BRCC3: variants seen among roughly 807,000 people sequenced by gnomAD.
BRCC3 encodes the protein lys-63-specific deubiquitinase BRCC36.
A neutral mutation model predicts 28.0 loss-of-function variants in BRCC3; 15 were observed. The ratio of observed to expected loss-of-function variants is 0.54; its 90% CI spans 0.36 to 0.82. BRCC3 has a LOEUF of 0.82. Among genes scored for constraint, BRCC3 ranks in the 40% least tolerant of loss-of-function variants. BRCC3 has a pLI of 0.01. For synonymous variants in BRCC3, 66 were observed against 80.3 expected, an observed-to-expected ratio of 0.82 and a Z score of 0.95; for missense variants, 109 against 225.9, an observed-to-expected ratio of 0.48 and a Z score of 3.32.
rs12011271 is a variant in BRCC3, at chrX:155,104,430, A to G, written c.549-11627A>G. 7.1e-3 allele frequency among the ~76,000 whole-genome samples: 796 copies of G among 112,057 alleles called. 5 individuals are homozygous for G. Among genetic ancestry groups the G allele is most frequent in the African/African-American group, 0.025 (762 of 30,827 alleles). ...TTAATATAAGGTTCATTTTTTCCCC[A>G]CTACTGAGGCAAGACCCTTTTTAAT... On this transcript the variant is annotated intron_variant, in intron 7 of 10. Transcript: ENST00000330045.
intron 7 of BRCC3, among the ~76,000 whole-genome samples, chrX:155,100,812 A>G (rs1218634467): frequency 8.9e-6 from 1 of 112,268 alleles, no homozygotes; most frequent in East Asian, 2.8e-4. Context: ...CCCTGGATCA[A>G]AAATATTTGG....
chrX:155,073,148 G>A (rs2074001523), intron 2 of BRCC3, among the ~76,000 whole-genome samples: 1 of 111,494 alleles, frequency 9.0e-6, no homozygotes, highest in Non-Finnish European at 1.9e-5. Flanking sequence ...AGGATTCCAG[G>A]AATTTAGCTT....
chrX:155,086,702 G>GC (rs2074132560), intron 5 of BRCC3, among the ~76,000 whole-genome samples: 1 of 111,631 alleles, frequency 9.0e-6, no homozygotes, highest in Non-Finnish European at 1.9e-5. Context: ...TTCAAAGCAC[G>GC]CAGCCTCGTG....
chrX:155,086,517 A>ATTT (rs1179189636), intron 5 of BRCC3, among the ~76,000 whole-genome samples: 1 of 102,812 alleles, frequency 9.7e-6, no homozygotes, highest in African/African-American at 3.5e-5. Context: ...CGCCTGGCTA[A>ATTT]TTTTTTTTTT....
intron 1 of BRCC3, 56 bp downstream of exon 1, chrX:155,071,706 C>A: frequency 8.6e-7 from 1 of 1,162,482 alleles, no homozygotes. Context: ...AGTGTGTCCC[C>A]GGGGTGGGTG....
intron 7 of BRCC3, among the ~76,000 whole-genome samples, chrX:155,103,008 A>G (rs782286634): frequency 9.0e-6 from 1 of 111,260 alleles, no homozygotes; most frequent in Non-Finnish European, 1.9e-5. Context: ...TGTTTTCTGC[A>G]GGGAAAAATT....
intron 3 of BRCC3, among the ~76,000 whole-genome samples, chrX:155,076,900 T>C (rs1324541787): frequency 1.8e-5 from 2 of 112,122 alleles, no homozygotes; most frequent in African/African-American, 6.5e-5. Flanking sequence ...TTGTACATAG[T>C]TGTAAGTCAA....
rs1368560228 is a variant in BRCC3 at position 155,121,738 on chromosome X, A to G, written c.*534A>G. 1 of 112,272 alleles carries G rather than the reference A, an allele frequency of 8.9e-6. No individual in the cohort carries two copies. The highest frequency in any genetic ancestry group is 9.4e-5 in the Admixed American group (1 of 10,615). The allele number at this position is 112,272 out of a possible 1,213,427, so 9.3% of individuals were successfully genotyped here. On this transcript the variant is annotated 3_prime_UTR_variant, in exon 11 of 11. Transcript: ENST00000330045. ...TATTGGACTTCTTCAAAATTTAAAAACTTGTGATTTAAGAAGAGGAAAAGA... is the reference window on the plus strand; with the variant it reads ...TATTGGACTTCTTCAAAATTTAAAAGCTTGTGATTTAAGAAGAGGAAAAGA...
At chrX:155,075,214 T>TG in intron 3 of BRCC3, among the ~76,000 whole-genome samples, 1 of 112,612 alleles carries the variant, frequency 8.9e-6, no homozygotes, top group Admixed American at 9.3e-5. Flanking sequence ...AGTGAAAATC[T>TG]ATAGCTTGTT....
intron 5 of BRCC3, among the ~76,000 whole-genome samples, chrX:155,087,203 C>T (rs782323872): frequency 8.9e-6 from 1 of 111,889 alleles, no homozygotes; most frequent in East Asian, 2.8e-4. Context: ...AGAGGGGGTA[C>T]ATCCATTAGG....
chrX:155,076,132 C>T (rs953094998), intron 3 of BRCC3, among the ~76,000 whole-genome samples: 1 of 111,953 alleles, frequency 8.9e-6, no homozygotes, highest in Non-Finnish European at 1.9e-5. Context: ...TCTCTGAGGC[C>T]GGGTGCGGTG....
chrX:155,106,122 A>T (rs2124294701), intron 7 of BRCC3, among the ~76,000 whole-genome samples: 1 of 112,615 alleles, frequency 8.9e-6, no homozygotes, highest in East Asian at 2.8e-4. Flanking sequence ...ATGTTGCATC[A>T]TCCTATCCAA....
chrX:155,110,416 T>C lies in BRCC3; in HGVS notation c.549-5641T>C, dbSNP rs1248556997. Among the ~76,000 whole-genome samples the C allele has an allele frequency of 2.7e-5, 3 of 111,751 alleles. No homozygotes were observed. The Admixed American group carries it at 2.8e-4, about 11-fold the overall frequency. ...ATTATTCTGATTTTCTGTATCGTTT[T>C]AGTTTTGGCAAGTTGTGCTTTTCTA... On this transcript the variant is annotated intron_variant, in intron 7 of 10. Transcript: ENST00000330045.
chrX:155,075,312 CCCCACACTAA>C (rs2074028393), intron 3 of BRCC3, among the ~76,000 whole-genome samples: 1 of 52,879 alleles, frequency 1.9e-5, no homozygotes, highest in Admixed American at 2.0e-4. Flanking sequence ...TCTTGTTCTT[CCCCACACTAA>C]ATGTGGCCAC....
intron 9 of BRCC3, among the ~76,000 whole-genome samples, chrX:155,117,362 A>G (rs2074363422): frequency 8.9e-6 from 1 of 111,959 alleles, no homozygotes; most frequent in African/African-American, 3.3e-5. Flanking sequence ...AATACAATAT[A>G]TATACTAATT....
Position 155,077,280 on chromosome X carries a change from A to C in BRCC3, c.306A>C (p.Thr102=). Residue 102 remains threonine (T), a synonymous_variant, in exon 4 of 11, where the codon ACA becomes ACC. Coordinates refer to ENST00000330045, the MANE Select transcript of BRCC3 (RefSeq NM_001018055.3). ...ISPEQLSAAS[T]EAERLAELTG... ...CAGAGCAGCTGTCTGCAGCTTCAAC[A>C]GAGGCAGAGATATCCTTACTGGTCA... 8.5e-7 allele frequency: 1 copy of C among 1,181,509 alleles called. No homozygotes were observed. Among genetic ancestry groups the C allele is most frequent in the Non-Finnish European group, 1.1e-6 (1 of 876,033 alleles).
intron 10 of BRCC3, 150 bp downstream of exon 10, chrX:155,120,318 C>T: frequency 2.3e-6 from 1 of 426,227 alleles, no homozygotes; most frequent in Non-Finnish European, 4.0e-6. Context: ...CTGAACCCTC[C>T]TACCTATAAC....
At chrX:155,079,496 T>C (rs142752926) in intron 5 of BRCC3, among the ~76,000 whole-genome samples, 49 of 111,922 alleles carry the variant, frequency 4.4e-4, no homozygotes, top group African/African-American at 1.4e-3. Flanking sequence ...TCCCAGACTT[T>C]AATGAAACAC....
At chrX:155,107,187 C>A (rs1457028425) in intron 7 of BRCC3, among the ~76,000 whole-genome samples, 1 of 110,730 alleles carries the variant, frequency 9.0e-6, no homozygotes, top group Non-Finnish European at 1.9e-5. Context: ...CTTATCTTAG[C>A]ATTTGGAGTT....
Sources: allele counts gnomAD v4.1 joint callset (sites outside exome capture counted in the v4.1 genomes callset), GRCh38; gene constraint gnomAD v4.1.1; transcripts MANE v1.5; gene names NCBI Gene and HGNC (gene_info 2026-07-23, HGNC 2026-07-21).